The following KSR2 variants were observed in gnomAD, a reference collection of about 807,000 sequenced individuals.
KSR2 encodes the protein kinase suppressor of ras 2.
In KSR2, 25 loss-of-function variants were observed where a neutral mutation model predicts 107.8. The ratio of observed to expected loss-of-function variants is 0.23; its 90% CI spans 0.17 to 0.32. KSR2 has a LOEUF of 0.32. Among genes scored for constraint, KSR2 ranks in the 10% least tolerant of loss-of-function variants. KSR2 has a pLI of 1.00. For missense variants in KSR2, 887 were observed against 1,268.9 expected (o/e 0.70, Z 4.57); for synonymous variants, 480 against 507.0 (o/e 0.95, Z 0.71).
chr12:117,893,269 C>T (rs1019927265), intron 1 of KSR2, among the ~76,000 whole-genome samples: 3 of 152,038 alleles, frequency 2.0e-5, no homozygotes, highest in Admixed American at 6.6e-5. Context: ...CCTCCCACCC[C>T]GGCCTCCGTG....
chr12:117,934,007 T>G (rs748052049), intron 1 of KSR2, among the ~76,000 whole-genome samples: 5 of 152,200 alleles, frequency 3.3e-5, no homozygotes, highest in Non-Finnish European at 7.4e-5. Context: ...CAGCCGACGT[T>G]GCAAACTCTG....
At chr12:117,754,122 A>G (rs1319739654) in intron 4 of KSR2, among the ~76,000 whole-genome samples, 4 of 152,146 alleles carry the variant, frequency 2.6e-5, no homozygotes, top group Admixed American at 2.6e-4. Context: ...CTTTGATTAG[A>G]CTAATCATAG....
chr12:117,943,822 G>A (rs188499552), intron 1 of KSR2, among the ~76,000 whole-genome samples: 19 of 152,244 alleles, frequency 1.2e-4, no homozygotes, highest in African/African-American at 3.4e-4. Context: ...TAATTGAATC[G>A]TGGGGGCAGT....
chr12:117,579,295 A>G, intron 6 of KSR2, 93 bp from the exon 7 acceptor site: 1 of 865,120 alleles, frequency 1.2e-6, no homozygotes, highest in Admixed American at 2.0e-5. Flanking sequence ...AAGCACATGA[A>G]CCCTGGATTC....
chr12:117,706,131 C>A (rs139047901), intron 4 of KSR2, among the ~76,000 whole-genome samples: 2,118 of 150,338 alleles, frequency 0.014, 41 homozygotes, highest in African/African-American at 0.048. Flanking sequence ...GCAATCTCTG[C>A]CCCGCGGGTT....
At chr12:117,877,394 C>T (rs931931778) in intron 1 of KSR2, among the ~76,000 whole-genome samples, 4 of 152,076 alleles carry the variant, frequency 2.6e-5, no homozygotes, top group Non-Finnish European at 4.4e-5. Flanking sequence ...ATTAGGGATG[C>T]TCAACCTGTA....
At chr12:117,472,145 C>G (rs899499603) in intron 17 of KSR2, among the ~76,000 whole-genome samples, 1 of 152,034 alleles carries the variant, frequency 6.6e-6, no homozygotes, top group Non-Finnish European at 1.5e-5. Context: ...GTTTTCTTAC[C>G]TGATAAATGA....
chr12:117,479,656 G>A (rs1156272538), intron 16 of KSR2, among the ~76,000 whole-genome samples: 1 of 152,154 alleles, frequency 6.6e-6, no homozygotes, highest in African/African-American at 2.4e-5. Flanking sequence ...TACAAAATAC[G>A]GAAATGGTCC....
intron 4 of KSR2, among the ~76,000 whole-genome samples, chr12:117,696,249 C>T (rs2136596297): frequency 6.6e-6 from 1 of 152,176 alleles, no homozygotes; most frequent in African/African-American, 2.4e-5. Context: ...CTCTGAGGTC[C>T]CACTCCACCC....
intron 3 of KSR2, among the ~76,000 whole-genome samples, chr12:117,804,555 C>A (rs1230778038): frequency 6.6e-6 from 1 of 152,186 alleles, no homozygotes; most frequent in Non-Finnish European, 1.5e-5. Context: ...ACAATAATTA[C>A]TACTGTTGCT....
intron 14 of KSR2, chr12:117,517,721 C>T: frequency 2.4e-6 from 1 of 418,318 alleles, no homozygotes; most frequent in Middle Eastern, 3.6e-4. Flanking sequence ...TTCAGCTGTG[C>T]TTTATAAAGG....
chr12:117,735,113 C>T (rs1566888), intron 4 of KSR2, among the ~76,000 whole-genome samples: 112,676 of 152,090 alleles, frequency 0.74, 43,344 homozygotes, highest in South Asian at 0.91. Flanking sequence ...GCCAGGCACC[C>T]GCCCTCTCTG....
chr12:117,789,080 C>T (rs988250305), intron 3 of KSR2, among the ~76,000 whole-genome samples: 1 of 152,220 alleles, frequency 6.6e-6, no homozygotes, highest in Non-Finnish European at 1.5e-5. Context: ...CCAGTGATCT[C>T]ACTTTGCAAT....
At chr12:117,823,874 T>A (rs1039833377) in intron 3 of KSR2, among the ~76,000 whole-genome samples, 2 of 152,148 alleles carry the variant, frequency 1.3e-5, no homozygotes, top group Non-Finnish European at 2.9e-5. Context: ...AAAATCACCA[T>A]CTGATCTAGC....
At chr12:117,639,021 C>T (rs1883235525) in intron 5 of KSR2, among the ~76,000 whole-genome samples, 3 of 152,088 alleles carry the variant, frequency 2.0e-5, no homozygotes, top group Admixed American at 1.3e-4. Flanking sequence ...CTTCACAGGC[C>T]ACACCCTAAT....
At chr12:117,621,229 C>T (rs1593060143) in intron 5 of KSR2, among the ~76,000 whole-genome samples, 1 of 152,318 alleles carries the variant, frequency 6.6e-6, no homozygotes, top group East Asian at 1.9e-4. Context: ...CCATGTAAGA[C>T]ATGCCTGCTT....
At chr12:117,669,270 T>C (rs920967697) in intron 4 of KSR2, among the ~76,000 whole-genome samples, 2 of 152,222 alleles carry the variant, frequency 1.3e-5, no homozygotes, top group African/African-American at 2.4e-5. Flanking sequence ...CAATGTGTTA[T>C]GAGTGCAAGT....
chr12:117,822,338 G>A (rs190507353), intron 3 of KSR2, among the ~76,000 whole-genome samples: 27 of 152,186 alleles, frequency 1.8e-4, no homozygotes, highest in Admixed American at 4.6e-4. Context: ...CACGAGATGC[G>A]TGAACCCTCT....
chr12:117,669,627 G>A (rs190146446), intron 4 of KSR2, among the ~76,000 whole-genome samples: 6 of 151,912 alleles, frequency 3.9e-5, no homozygotes, highest in East Asian at 3.9e-4. Flanking sequence ...CAGCACTTTC[G>A]GGGGCCAAGG....
Sources: allele counts gnomAD v4.1 joint callset (sites outside exome capture counted in the v4.1 genomes callset), GRCh38; gene constraint gnomAD v4.1.1; transcripts MANE v1.5; gene names NCBI Gene and HGNC (gene_info 2026-07-23, HGNC 2026-07-21).